The following GRM7 variants were observed in gnomAD, a reference collection of about 807,000 sequenced individuals.
The protein encoded by GRM7 is metabotropic glutamate receptor 7.
A neutral mutation model predicts 84.5 loss-of-function variants in GRM7; 35 were observed. The ratio of observed to expected loss-of-function variants is 0.41; its 90% CI spans 0.32 to 0.55. The LOEUF (loss-of-function observed/expected upper bound fraction) is 0.55, where lower values mean the gene tolerates loss of function less well. Among genes scored for constraint, GRM7 ranks in the 20% least tolerant of loss-of-function variants. The probability of loss-of-function intolerance (pLI) is 0.19; values close to 1 mark genes in which losing one functional copy is unlikely to be tolerated. For synonymous variants in GRM7, 487 were observed against 455.1 expected, an observed-to-expected ratio of 1.07 and a Z score of -0.89; for missense variants, 1,003 against 1,194.6, an observed-to-expected ratio of 0.84 and a Z score of 2.36.
intron 2 of GRM7, among the ~76,000 whole-genome samples, chr3:7,295,972 G>A (rs1699800765): frequency 6.6e-6 from 1 of 152,078 alleles, no homozygotes; most frequent in Non-Finnish European, 1.5e-5. Context: ...ACCTTGCCTT[G>A]TGGTCTCTTA....
chr3:6,960,515 C>T (rs1693252111), intron 1 of GRM7, among the ~76,000 whole-genome samples: 1 of 152,138 alleles, frequency 6.6e-6, no homozygotes, highest in Admixed American at 6.5e-5. Flanking sequence ...TCTGTAACCA[C>T]CAAAAAATCC....
intron 8 of GRM7, among the ~76,000 whole-genome samples, chr3:7,612,467 T>C (rs954610402): frequency 1.3e-5 from 2 of 152,166 alleles, no homozygotes; most frequent in Non-Finnish European, 2.9e-5. Flanking sequence ...ATGAGTGGAA[T>C]CAGGGTAGGT....
intron 4 of GRM7, among the ~76,000 whole-genome samples, chr3:7,371,567 C>G (rs368968626): frequency 6.6e-6 from 1 of 152,044 alleles, no homozygotes; most frequent in Admixed American, 6.6e-5. Flanking sequence ...GTGCTAGGGC[C>G]AATACTGAGT....
chr3:7,322,294 C>CA (rs72580703), intron 4 of GRM7, among the ~76,000 whole-genome samples: 152,210 of 152,212 alleles, frequency 1, 76,104 homozygotes, highest in Middle Eastern at 1. Context: ...TTGGGTTAAA[C>CA]ATTTGCCCAA....
chr3:7,275,289 A>G (rs1168493858), intron 2 of GRM7, among the ~76,000 whole-genome samples: 2 of 152,122 alleles, frequency 1.3e-5, no homozygotes. Context: ...TCTGGTTCTG[A>G]TAGTCACTCT....
intron 2 of GRM7, among the ~76,000 whole-genome samples, chr3:7,294,714 C>G (rs2125015874): frequency 6.6e-6 from 1 of 152,206 alleles, no homozygotes; most frequent in African/African-American, 2.4e-5. Context: ...AGCGTGGGCC[C>G]TAAGCTAGCA....
intron 1 of GRM7, among the ~76,000 whole-genome samples, chr3:7,070,533 C>T (rs1248194867): frequency 1.3e-5 from 2 of 152,010 alleles, no homozygotes; most frequent in Non-Finnish European, 2.9e-5. Flanking sequence ...AATGTGAGTG[C>T]ATTAGACACT....
intron 4 of GRM7, among the ~76,000 whole-genome samples, chr3:7,349,034 C>T (rs1416676966): frequency 6.6e-6 from 1 of 152,018 alleles, no homozygotes; most frequent in East Asian, 1.9e-4. Context: ...CCCTGTGGTC[C>T]TCCTTTCAAT....
chr3:6,919,408 A>G (rs1479812288), intron 1 of GRM7, among the ~76,000 whole-genome samples: 1 of 140,442 alleles, frequency 7.1e-6, no homozygotes, highest in East Asian at 2.1e-4. Context: ...GGTTTCCACC[A>G]TGTTGGCCAG....
chr3:7,565,025 G>A (rs960392279), intron 7 of GRM7, among the ~76,000 whole-genome samples: 37 of 152,158 alleles, frequency 2.4e-4, no homozygotes, highest in African/African-American at 8.2e-4. Context: ...TAGTAACTGA[G>A]TGCTCCATAT....
intron 5 of GRM7, among the ~76,000 whole-genome samples, chr3:7,442,260 G>C (rs140208054): frequency 6.6e-6 from 1 of 152,058 alleles, no homozygotes; most frequent in African/African-American, 2.4e-5. Flanking sequence ...TCTTGATTTG[G>C]TACTCAGTTT....
At chr3:7,059,777 C>T (rs1697365293) in intron 1 of GRM7, among the ~76,000 whole-genome samples, 2 of 151,728 alleles carry the variant, frequency 1.3e-5, no homozygotes, top group Admixed American at 6.6e-5. Context: ...AGTTACCTAA[C>T]CCCTTCTGCC....
chr3:7,300,890 C>G (rs995579225), intron 3 of GRM7, among the ~76,000 whole-genome samples: 1 of 152,138 alleles, frequency 6.6e-6, no homozygotes, highest in Admixed American at 6.6e-5. Flanking sequence ...TTTCGACTTG[C>G]TTTTGTACTG....
intron 1 of GRM7, among the ~76,000 whole-genome samples, chr3:6,972,282 T>A (rs968318208): frequency 5.9e-5 from 9 of 152,188 alleles, no homozygotes; most frequent in African/African-American, 2.2e-4. Context: ...GAATTTTCTC[T>A]GAGTTAGATT....
intron 1 of GRM7, among the ~76,000 whole-genome samples, chr3:7,059,149 C>A (rs1697336688): frequency 6.6e-6 from 1 of 151,508 alleles, no homozygotes; most frequent in South Asian, 2.1e-4. Context: ...GAAGAGGATC[C>A]CCTACTTTAC....
At chr3:6,946,136 T>C (rs571696868) in intron 1 of GRM7, among the ~76,000 whole-genome samples, 2 of 152,356 alleles carry the variant, frequency 1.3e-5, no homozygotes, top group African/African-American at 4.8e-5. Flanking sequence ...TACTTGCCCA[T>C]GCCTATGTCC....
At chr3:7,582,179 A>G (rs1695287634) in intron 8 of GRM7, among the ~76,000 whole-genome samples, 1 of 152,200 alleles carries the variant, frequency 6.6e-6, no homozygotes, top group Admixed American at 6.6e-5. Flanking sequence ...GTTGAAGACT[A>G]GAATGTTTTC....
chr3:7,023,356 A>C (rs1695850415), intron 1 of GRM7, among the ~76,000 whole-genome samples: 2 of 152,118 alleles, frequency 1.3e-5, no homozygotes, highest in Admixed American at 1.3e-4. Context: ...AGAAGATCAG[A>C]GAGTCAGGTA....
At chr3:7,401,668 CTT>C (rs1695458893) in intron 4 of GRM7, among the ~76,000 whole-genome samples, 1 of 152,108 alleles carries the variant, frequency 6.6e-6, no homozygotes, top group Non-Finnish European at 1.5e-5. Flanking sequence ...CCTCCAAAAA[CTT>C]TTTGAACTCA....
Sources: gnomAD v4.1 joint callset for allele counts (sites outside exome capture counted in the v4.1 genomes callset) on GRCh38, gnomAD v4.1.1 for gene constraint, MANE v1.5 for transcripts, NCBI Gene and HGNC (gene_info 2026-07-23, HGNC 2026-07-21) for gene names.